Variants in AP1G1 observed in about 807,000 individuals in gnomAD.
The protein encoded by AP1G1 is AP-1 complex subunit gamma-1.
A neutral mutation model predicts 108.3 loss-of-function variants in AP1G1; 7 were observed. That is an observed-to-expected ratio of 0.06 (90% CI 0.04 to 0.12). The LOEUF (loss-of-function observed/expected upper bound fraction) is 0.12, where lower values mean the gene tolerates loss of function less well. AP1G1 is among the 10% of genes least tolerant of loss of function. The probability of loss-of-function intolerance (pLI) is 1.00; values close to 1 mark genes in which losing one functional copy is unlikely to be tolerated. For missense variants in AP1G1, 756 were observed against 1,010.7 expected (o/e 0.75, Z 3.42); for synonymous variants, 379 against 353.5 (o/e 1.07, Z -0.81).
chr16:71,738,627 T>C (rs2045579759), intron 21 of AP1G1, among the ~76,000 whole-genome samples: 1 of 152,208 alleles, frequency 6.6e-6, no homozygotes, highest in African/African-American at 2.4e-5. Context: ...TCTTTAACAC[T>C]GTATTACTAA....
intron 6 of AP1G1, among the ~76,000 whole-genome samples, chr16:71,766,608 G>C (rs2031327383): frequency 6.6e-6 from 1 of 151,942 alleles, no homozygotes. Flanking sequence ...TCTTTTGCAG[G>C]CAATTTTAGC....
At chr16:71,738,375 T>C (rs909908878) in intron 21 of AP1G1, among the ~76,000 whole-genome samples, 3 of 152,150 alleles carry the variant, frequency 2.0e-5, no homozygotes, top group Non-Finnish European at 4.4e-5. Context: ...TTTTTCACTA[T>C]TCATAAATGA....
chr16:71,735,061 G>A (rs2045516731), intron 21 of AP1G1, among the ~76,000 whole-genome samples: 2 of 152,150 alleles, frequency 1.3e-5, no homozygotes, highest in South Asian at 2.1e-4. Context: ...AAATATCGGT[G>A]CTTTTGGCTT....
chr16:71,745,764 A>G, intron 17 of AP1G1, 150 bp from the exon 18 acceptor site: 1 of 734,496 alleles, frequency 1.4e-6, no homozygotes, highest in Non-Finnish European at 2.3e-6. Flanking sequence ...AGATTACAAG[A>G]ATACATGACC....
chr16:71,747,053 A>G (rs2030218442), intron 16 of AP1G1: 1 of 154,762 alleles, frequency 6.5e-6, no homozygotes, highest in Non-Finnish European at 1.4e-5. Context: ...CTTCTTTGAT[A>G]ATTTTTAAAT....
intron 1 of AP1G1, among the ~76,000 whole-genome samples, chr16:71,792,652 G>A (rs1230112611): frequency 5.3e-5 from 8 of 152,068 alleles, no homozygotes; most frequent in East Asian, 1.9e-4. Context: ...TCAGGAGTTC[G>A]AGACCAGCCT....
chr16:71,778,432 T>C (rs1300045702), intron 2 of AP1G1, among the ~76,000 whole-genome samples: 1 of 152,092 alleles, frequency 6.6e-6, no homozygotes, highest in African/African-American at 2.4e-5. Context: ...CCTGTAATCC[T>C]AGCACTTTGG....
chr16:71,801,576 A>T (rs2032802180), intron 1 of AP1G1, among the ~76,000 whole-genome samples: 1 of 152,114 alleles, frequency 6.6e-6, no homozygotes, highest in Admixed American at 6.5e-5. Flanking sequence ...CCTAATCCAA[A>T]ATCTGAAATT....
chr16:71,768,962 C>CT (rs1555554376), intron 6 of AP1G1, among the ~76,000 whole-genome samples: 3 of 52,312 alleles, frequency 5.7e-5, no homozygotes, highest in Non-Finnish European at 9.8e-5. Context: ...AAATTCCTGC[C>CT]TTTAAAAAAA....
chr16:71,733,249 G>T, intron 22 of AP1G1, 90 bp from the exon 23 acceptor site: 1 of 1,040,190 alleles, frequency 9.6e-7, no homozygotes, highest in Non-Finnish European at 1.4e-6. Context: ...AATCTTAGAG[G>T]TCAAAACTTA....
At chr16:71,765,679 C>A in intron 6 of AP1G1, 95 bp from the exon 7 acceptor site, 1 of 933,036 alleles carries the variant, frequency 1.1e-6, no homozygotes, top group Non-Finnish European at 1.7e-6. Context: ...GTGTAAGGGT[C>A]CCAGTCCAAG....
At chr16:71,808,524 C>T in intron 1 of AP1G1, 1 of 1,277,338 alleles carries the variant, frequency 7.8e-7, no homozygotes, top group Non-Finnish European at 1.0e-6. Flanking sequence ...AACGCCACAA[C>T]ACGGAACGCC....
intron 2 of AP1G1, among the ~76,000 whole-genome samples, chr16:71,780,006 T>G (rs1161546207): frequency 2.0e-5 from 3 of 150,450 alleles, no homozygotes; most frequent in African/African-American, 7.3e-5. Context: ...TTTTTTTTTT[T>G]TTTTTGAGAC....
chr16:71,793,778 T>G (rs2142264681), intron 1 of AP1G1, among the ~76,000 whole-genome samples: 1 of 150,102 alleles, frequency 6.7e-6, no homozygotes, highest in East Asian at 2.0e-4. Flanking sequence ...TCTGCCTCCT[T>G]GGCTCACTGC....
chr16:71,745,007 G>A (rs1196353399), intron 19 of AP1G1, 137 bp downstream of exon 19: 2 of 897,740 alleles, frequency 2.2e-6, no homozygotes, highest in East Asian at 4.8e-5. Context: ...CGGATATTGT[G>A]AAGATTTGAC....
rs576192124 is a variant in AP1G1, at chr16:71,798,829, A to G, written c.-3-9347T>C. On this transcript the variant is annotated intron_variant, in intron 1 of 22. Coordinates refer to ENST00000299980, the MANE Select transcript of AP1G1 (RefSeq NM_001128.6). The stretch of plus-strand genomic sequence containing the variant: ...CTTGAACCCAGGAGGCAGAGGCTGC[A>G]GTGAGCCGAGATCACACCACTGCAC... Among the ~76,000 whole-genome samples the G allele has an allele frequency of 1.1e-3, 166 of 151,748 alleles. 1 individual carries two copies. The highest frequency in any genetic ancestry group is 6.6e-4 in the Non-Finnish European group (45 of 67,914).
At chr16:71,743,419 C>G (rs146708699) in intron 19 of AP1G1, 1 of 152,010 alleles carries the variant, frequency 6.6e-6, no homozygotes, top group South Asian at 2.1e-4. Context: ...TTAAAGAAGA[C>G]AGCAAAACCC....
In AP1G1 at chr16:71,730,067, A is replaced by C. The variant is rs768103474; in HGVS notation, c.*2991T>G. 6.6e-6 allele frequency: 1 copy of C among 152,602 alleles called. No individual in the cohort carries two copies. The highest frequency in any genetic ancestry group is 2.4e-5 in the African/African-American group (1 of 41,464). The allele number at this position is 152,602 out of a possible 1,614,324, so 9.5% of individuals were successfully genotyped here. Reference sequence around the variant, plus strand: ...ACAAGGAGTACAAATCACACCTTTAAACTAGCAAGAGGAAAGAATCCCCTC... The same window carrying C: ...ACAAGGAGTACAAATCACACCTTTACACTAGCAAGAGGAAAGAATCCCCTC... On this transcript the variant is annotated 3_prime_UTR_variant, in exon 23 of 23. Transcript: ENST00000299980.
rs759613212 is a variant in AP1G1, at chr16:71,745,298, A to G, written c.1873-28T>C. ...AAACAAGGTAACAACACCTCAATTC[A>G]TTATTATTTGATTTGTCTAGTATAC... On this transcript the variant is annotated intron_variant, in intron 18 of 22. Transcript: ENST00000299980. The G allele has an allele frequency of 5.6e-6, 9 of 1,613,208 alleles. No homozygotes were observed. The African/African-American group carries it at 9.3e-5, about 17-fold the overall frequency.
Sources: allele counts gnomAD v4.1 joint callset (sites outside exome capture counted in the v4.1 genomes callset), GRCh38; gene constraint gnomAD v4.1.1; transcripts MANE v1.5; gene names NCBI Gene and HGNC (gene_info 2026-07-23, HGNC 2026-07-21).